Variants in TACC1 observed in about 807,000 individuals in gnomAD.
The protein encoded by TACC1 is transforming acidic coiled-coil containing protein 1.
A neutral mutation model predicts 84.4 loss-of-function variants in TACC1; 48 were observed. That is an observed-to-expected ratio of 0.57 (90% CI 0.45 to 0.72). The LOEUF (loss-of-function observed/expected upper bound fraction) is 0.72. TACC1 is among the 30% of genes least tolerant of loss of function. TACC1 has a pLI of 0.00. For missense variants in TACC1, 920 were observed against 973.0 expected (o/e 0.95, Z 0.72); for synonymous variants, 372 against 376.3 (o/e 0.99, Z 0.13).
At chr8:38,744,380 T>A (rs941865227) in intron 2 of TACC1, among the ~76,000 whole-genome samples, 1 of 152,136 alleles carries the variant, frequency 6.6e-6, no homozygotes, top group Non-Finnish European at 1.5e-5. Context: ...CCTCCCAAAG[T>A]GCTGGGATTA....
intron 1 of TACC1, chr8:38,728,711 C>A (rs1206702325): frequency 1.3e-5 from 2 of 152,294 alleles, no homozygotes; most frequent in Non-Finnish European, 2.9e-5. Flanking sequence ...GGCCACTTCA[C>A]ACTTATTGAG....
At chr8:38,830,958 T>C (rs149488540) in intron 5 of TACC1, among the ~76,000 whole-genome samples, 167 bp from the exon 6 acceptor site, 10 of 152,368 alleles carry the variant, frequency 6.6e-5, no homozygotes, top group African/African-American at 1.2e-4. Context: ...CATGGACTTA[T>C]AACAGCACTC....
chr8:38,849,529 T>C lies in TACC1; in HGVS notation c.*1506T>C, dbSNP rs1832824845. ...TGTTTTCCTACTTCTCTTGTAAAAC[T>C]GTTGCATGATCCAACTTCAGCAATG... is the stretch of plus-strand genomic sequence containing the variant. On this transcript the variant is annotated 3_prime_UTR_variant, in exon 13 of 13. Coordinates refer to ENST00000317827, the MANE Select transcript of TACC1 (RefSeq NM_006283.3). 6.6e-6 allele frequency: 1 copy of C among 152,266 alleles called. No individual in the cohort carries two copies. Among genetic ancestry groups the C allele is most frequent in the Non-Finnish European group, 1.5e-5 (1 of 68,046 alleles). 9.4% of individuals were successfully genotyped at this position (152,266 alleles called of 1,614,324 possible). A position where few individuals can be genotyped will look rare whatever the true frequency, so the allele number is the denominator to read the frequency against.
chr8:38,817,497 A>G (rs1305322437), intron 2 of TACC1, among the ~76,000 whole-genome samples: 2 of 152,226 alleles, frequency 1.3e-5, no homozygotes, highest in Non-Finnish European at 2.9e-5. Context: ...AAATAGTACA[A>G]TGAAAACTCC....
intron 3 of TACC1, among the ~76,000 whole-genome samples, chr8:38,767,249 C>A (rs62505803): frequency 1.3e-5 from 2 of 152,250 alleles, no homozygotes; most frequent in African/African-American, 2.4e-5. Flanking sequence ...TTTCCTCTGC[C>A]TTTTCACACC....
chr8:38,844,215 C>G (rs1306615502), intron 11 of TACC1, among the ~76,000 whole-genome samples: 1 of 152,026 alleles, frequency 6.6e-6, no homozygotes, highest in East Asian at 1.9e-4. Flanking sequence ...CTCTGTCACC[C>G]AGGCTGGAGT....
chr8:38,846,593 G>T, intron 11 of TACC1, 106 bp from the exon 12 acceptor site: 1 of 1,323,202 alleles, frequency 7.6e-7, no homozygotes, highest in East Asian at 2.6e-5. Context: ...TCAATTCTTT[G>T]AGGCCTGTGC....
At chr8:38,794,166 C>G (rs568880597) in intron 2 of TACC1, among the ~76,000 whole-genome samples, 24 of 152,020 alleles carry the variant, frequency 1.6e-4, no homozygotes, top group African/African-American at 5.8e-4. Flanking sequence ...ACTCAAAGAT[C>G]TAAGGAGGAA....
At chr8:38,733,398 G>A (rs1805355240) in intron 1 of TACC1, among the ~76,000 whole-genome samples, 1 of 151,910 alleles carries the variant, frequency 6.6e-6, no homozygotes, top group African/African-American at 2.4e-5. Context: ...CACTGGTGCA[G>A]CTCTCTTGGG....
At chr8:38,739,072 G>A (rs745769114) in intron 1 of TACC1, among the ~76,000 whole-genome samples, 13 of 152,266 alleles carry the variant, frequency 8.5e-5, no homozygotes, top group Non-Finnish European at 1.5e-4. Context: ...CGTATTTTTA[G>A]TAGAGATGGG....
chr8:38,760,298 C>A (rs1204973907), intron 3 of TACC1, among the ~76,000 whole-genome samples: 1 of 152,192 alleles, frequency 6.6e-6, no homozygotes, highest in East Asian at 1.9e-4. Flanking sequence ...CTTCTCCAAA[C>A]CCAAGAAGCC....
intron 12 of TACC1, among the ~76,000 whole-genome samples, chr8:38,847,545 T>TA (rs1183619448): frequency 2.0e-5 from 3 of 152,248 alleles, no homozygotes; most frequent in African/African-American, 4.8e-5. Flanking sequence ...CAGGAGTTTT[T>TA]ATCACAGGGT....
intron 7 of TACC1, among the ~76,000 whole-genome samples, chr8:38,837,708 T>A (rs1172159026): frequency 6.6e-6 from 1 of 152,196 alleles, no homozygotes; most frequent in Non-Finnish European, 1.5e-5. Context: ...ACAGGATACA[T>A]CCTTCTATGT....
At chr8:38,733,063 C>T (rs193243289) in intron 1 of TACC1, among the ~76,000 whole-genome samples, 1 of 152,308 alleles carries the variant, frequency 6.6e-6, no homozygotes, top group East Asian at 1.9e-4. Context: ...GGAGACTGTT[C>T]CAGGCAGCTC....
At chr8:38,823,835 C>A (rs1827423120) in intron 3 of TACC1, among the ~76,000 whole-genome samples, 1 of 152,214 alleles carries the variant, frequency 6.6e-6, no homozygotes, top group South Asian at 2.1e-4. Flanking sequence ...TGATAACATT[C>A]ATGAATACGA....
At chr8:38,823,786 T>C (rs981728186) in intron 3 of TACC1, among the ~76,000 whole-genome samples, 7 of 152,246 alleles carry the variant, frequency 4.6e-5, no homozygotes, top group African/African-American at 1.4e-4. Flanking sequence ...TCTACCAGTC[T>C]CCTTTGTAGT....
chr8:38,829,235 C>A (rs1007946191), intron 5 of TACC1, among the ~76,000 whole-genome samples: 4 of 152,198 alleles, frequency 2.6e-5, no homozygotes, highest in African/African-American at 9.7e-5. Context: ...GCCAGGGAAG[C>A]AGATGGAAAG....
intron 6 of TACC1, among the ~76,000 whole-genome samples, chr8:38,833,588 C>T (rs1254569733): frequency 6.6e-6 from 1 of 152,208 alleles, no homozygotes; most frequent in East Asian, 1.9e-4. Flanking sequence ...AAGGTTTGAT[C>T]TCCTACCGCC....
At chr8:38,831,585 T>A (rs1326580838) in intron 6 of TACC1, among the ~76,000 whole-genome samples, 1 of 152,144 alleles carries the variant, frequency 6.6e-6, no homozygotes, top group East Asian at 1.9e-4. Flanking sequence ...AACCTTCACC[T>A]CCTGGGCTCA....
Sources: gnomAD v4.1 joint callset for allele counts (sites outside exome capture counted in the v4.1 genomes callset) on GRCh38, gnomAD v4.1.1 for gene constraint, MANE v1.5 for transcripts, NCBI Gene and HGNC (gene_info 2026-07-23, HGNC 2026-07-21) for gene names.